The following CADM2 variants were observed in gnomAD, a reference collection of about 807,000 sequenced individuals.
CADM2 encodes the protein cell adhesion molecule 2.
CADM2 carries 12 observed loss-of-function variants against 49.8 expected under a neutral mutation model. That is an observed-to-expected ratio of 0.24 (90% CI 0.15 to 0.39). The LOEUF (loss-of-function observed/expected upper bound fraction) is 0.39. Among genes scored for constraint, CADM2 ranks in the 10% least tolerant of loss-of-function variants. CADM2 has a pLI of 1.00. For missense variants in CADM2, 378 were observed against 492.3 expected, an observed-to-expected ratio of 0.77 and a Z score of 2.20; for synonymous variants, 214 against 175.4, an observed-to-expected ratio of 1.22 and a Z score of -1.74.
At chr3:85,370,208 C>T (rs1215521507) in intron 1 of CADM2, among the ~76,000 whole-genome samples, 2 of 98,828 alleles carry the variant, frequency 2.0e-5, no homozygotes, top group East Asian at 6.7e-4. Flanking sequence ...AACGAAACTC[C>T]TTTTCAAAAT....
chr3:85,895,388 AT>A (rs1195671234), intron 5 of CADM2, among the ~76,000 whole-genome samples: 1 of 152,212 alleles, frequency 6.6e-6, no homozygotes, highest in African/African-American at 2.4e-5. Flanking sequence ...AATTTCTCCC[AT>A]TTGGAACAGG....
chr3:85,741,228 G>A (rs2068370117), intron 2 of CADM2, among the ~76,000 whole-genome samples: 1 of 151,954 alleles, frequency 6.6e-6, no homozygotes. Context: ...TCTAATTTCA[G>A]CCAATCGCTG....
At chr3:85,294,859 C>G (rs1033950752) in intron 1 of CADM2, among the ~76,000 whole-genome samples, 24 of 152,130 alleles carry the variant, frequency 1.6e-4, no homozygotes, top group Non-Finnish European at 3.2e-4. Context: ...CTAGGCATTA[C>G]CATTCAGGAC....
At chr3:85,884,056 G>T (rs1456480153) in intron 4 of CADM2, among the ~76,000 whole-genome samples, 1 of 152,026 alleles carries the variant, frequency 6.6e-6, no homozygotes, top group Non-Finnish European at 1.5e-5. Flanking sequence ...TAAATATTGG[G>T]CCATTTTCCC....
intron 2 of CADM2, among the ~76,000 whole-genome samples, chr3:85,760,546 T>G (rs1354829135): frequency 6.6e-6 from 1 of 152,296 alleles, no homozygotes; most frequent in Middle Eastern, 3.4e-3. Flanking sequence ...AGTATGGAAC[T>G]TCTGCATAAT....
chr3:85,959,086 C>A (rs1724476694), intron 7 of CADM2, among the ~76,000 whole-genome samples: 1 of 147,040 alleles, frequency 6.8e-6, no homozygotes, highest in Non-Finnish European at 1.5e-5. Context: ...ATAGCTATAT[C>A]TATATCTTTA....
intron 4 of CADM2, among the ~76,000 whole-genome samples, chr3:85,885,538 C>T (rs899175586): frequency 7.9e-5 from 12 of 151,842 alleles, no homozygotes; most frequent in African/African-American, 1.7e-4. Flanking sequence ...AAAAATTAGC[C>T]GGGCTTGGTG....
intron 1 of CADM2, among the ~76,000 whole-genome samples, chr3:85,518,663 G>C (rs1326925476): frequency 6.6e-6 from 1 of 152,090 alleles, no homozygotes; most frequent in African/African-American, 2.4e-5. Flanking sequence ...AACTCCTGGT[G>C]GCTGCTGGCA....
chr3:85,291,040 A>T (rs1245801767), intron 1 of CADM2, among the ~76,000 whole-genome samples: 3 of 152,200 alleles, frequency 2.0e-5, no homozygotes, highest in South Asian at 2.1e-4. Flanking sequence ...AAAACTTTTT[A>T]AAAAATTTAG....
At chr3:84,964,053 C>T (rs2030779186) in intron 1 of CADM2, among the ~76,000 whole-genome samples, 1 of 152,128 alleles carries the variant, frequency 6.6e-6, no homozygotes, top group South Asian at 2.1e-4. Context: ...GATGTGGAAG[C>T]TTACTTCATT....
chr3:85,593,594 C>T (rs984305223), intron 1 of CADM2, among the ~76,000 whole-genome samples: 2 of 151,954 alleles, frequency 1.3e-5, no homozygotes, highest in African/African-American at 4.8e-5. Flanking sequence ...GCATTATCGG[C>T]ACGCAGAATA....
intron 3 of CADM2, among the ~76,000 whole-genome samples, chr3:85,876,502 CA>C (rs1325645111): frequency 6.6e-6 from 1 of 152,044 alleles, no homozygotes; most frequent in African/African-American, 2.4e-5. Context: ...GGGAAAGTTT[CA>C]TGTCCAATGG....
At chr3:85,887,592 T>TG (rs1362082903) in intron 5 of CADM2, among the ~76,000 whole-genome samples, 36 of 152,342 alleles carry the variant, frequency 2.4e-4, no homozygotes, top group African/African-American at 6.5e-4. Flanking sequence ...AATTTTACCC[T>TG]GATCACTACG....
chr3:85,230,273 G>T (rs556181015), intron 1 of CADM2, among the ~76,000 whole-genome samples: 1 of 152,144 alleles, frequency 6.6e-6, no homozygotes, highest in Non-Finnish European at 1.5e-5. Context: ...GATGGATGTG[G>T]ATTCCTACAT....
At chr3:85,944,618 T>G (rs1371596728) in intron 7 of CADM2, among the ~76,000 whole-genome samples, 2 of 151,870 alleles carry the variant, frequency 1.3e-5, no homozygotes, top group African/African-American at 2.4e-5. Flanking sequence ...ATTAAGAAAC[T>G]CACTCAAAAC....
intron 1 of CADM2, among the ~76,000 whole-genome samples, chr3:85,416,646 T>TTG (rs1362893891): frequency 1.3e-5 from 2 of 152,092 alleles, no homozygotes; most frequent in Non-Finnish European, 2.9e-5. Context: ...CCAAGATAAA[T>TTG]TGTGTGGGGA....
chr3:85,955,707 GA>G (rs1476688567), intron 7 of CADM2, among the ~76,000 whole-genome samples: 2 of 151,454 alleles, frequency 1.3e-5, no homozygotes, highest in African/African-American at 4.8e-5. Context: ...CAACATCTGA[GA>G]GACTTGTGGC....
intron 1 of CADM2, among the ~76,000 whole-genome samples, chr3:85,377,851 G>T (rs2033682276): frequency 6.6e-6 from 1 of 152,028 alleles, no homozygotes; most frequent in African/African-American, 2.4e-5. Flanking sequence ...TGTGGGCCCA[G>T]GGAGCGATGC....
chr3:85,617,999 T>G (rs2063845447), intron 1 of CADM2, among the ~76,000 whole-genome samples: 1 of 152,234 alleles, frequency 6.6e-6, no homozygotes, highest in African/African-American at 2.4e-5. Context: ...TGTGCAAAGT[T>G]GCTTCACTGA....
Sources: gnomAD v4.1 joint callset for allele counts (sites outside exome capture counted in the v4.1 genomes callset) on GRCh38, gnomAD v4.1.1 for gene constraint, MANE v1.5 for transcripts, NCBI Gene and HGNC (gene_info 2026-07-23, HGNC 2026-07-21) for gene names.